GMDS: variants seen among roughly 807,000 people sequenced by gnomAD.
The protein encoded by GMDS is GDP-mannose 4,6 dehydratase.
GMDS carries 20 observed loss-of-function variants against 49.9 expected under a neutral mutation model. The observed-to-expected ratio is 0.40, with a 90% confidence interval of 0.28 to 0.58. The LOEUF is 0.58. Among genes scored for constraint, GMDS ranks in the 20% least tolerant of loss-of-function variants. The pLI is 0.42. For synonymous variants in GMDS, 177 were observed against 178.6 expected (o/e 0.99, Z 0.07); for missense variants, 362 against 481.4 (o/e 0.75, Z 2.32).
At chr6:2,141,938 C>T (rs1024166316) in intron 1 of GMDS, among the ~76,000 whole-genome samples, 1 of 151,994 alleles carries the variant, frequency 6.6e-6, no homozygotes, top group South Asian at 2.1e-4. Context: ...CTACACTCCC[C>T]CTTCTCTCCG....
At chr6:2,139,216 A>G (rs11970276) in intron 1 of GMDS, among the ~76,000 whole-genome samples, 22,903 of 152,108 alleles carry the variant, frequency 0.15, 2,066 homozygotes, top group Middle Eastern at 0.22. Context: ...AAAATTTAAA[A>G]CAAACATTTC....
At chr6:1,999,458 A>G (rs1315398576) in intron 4 of GMDS, among the ~76,000 whole-genome samples, 1 of 152,028 alleles carries the variant, frequency 6.6e-6, no homozygotes, top group Non-Finnish European at 1.5e-5. Context: ...CAGGTAGAAG[A>G]TGGCAGACTA....
intron 7 of GMDS, among the ~76,000 whole-genome samples, chr6:1,919,022 G>T (rs139270852): frequency 6.6e-6 from 1 of 152,180 alleles, no homozygotes; most frequent in Non-Finnish European, 1.5e-5. Context: ...AATAGTAAGA[G>T]AAATGGAACA....
chr6:1,921,793 G>A (rs914374486), intron 7 of GMDS, among the ~76,000 whole-genome samples: 1 of 152,122 alleles, frequency 6.6e-6, no homozygotes, highest in Admixed American at 6.5e-5. Context: ...TACAGATAAA[G>A]GAGAGACTAT....
chr6:2,136,592 C>G (rs1776013809), intron 1 of GMDS, among the ~76,000 whole-genome samples: 1 of 152,004 alleles, frequency 6.6e-6, no homozygotes, highest in Non-Finnish European at 1.5e-5. Context: ...TTTTAATTAG[C>G]TGGGTGTGTC....
At chr6:1,662,339 C>T (rs577919754) in intron 9 of GMDS, among the ~76,000 whole-genome samples, 1 of 152,200 alleles carries the variant, frequency 6.6e-6, no homozygotes, top group Non-Finnish European at 1.5e-5. Flanking sequence ...GGACTCTGGA[C>T]GTTGGAAACA....
chr6:1,975,529 A>T (rs1471552758), intron 4 of GMDS, among the ~76,000 whole-genome samples: 1 of 152,244 alleles, frequency 6.6e-6, no homozygotes, highest in Admixed American at 6.5e-5. Context: ...TATACAAAGT[A>T]GATCCTGTCA....
intron 1 of GMDS, among the ~76,000 whole-genome samples, chr6:2,148,593 T>C (rs1776690882): frequency 6.6e-6 from 1 of 152,056 alleles, no homozygotes; most frequent in Admixed American, 6.6e-5. Context: ...GCTAATTTTG[T>C]ATTATTAGTA....
chr6:2,240,413 A>C (rs541043513), intron 1 of GMDS, among the ~76,000 whole-genome samples: 1 of 152,352 alleles, frequency 6.6e-6, no homozygotes, highest in Non-Finnish European at 1.5e-5. Context: ...CCAACCTGGC[A>C]GAAAAGATAA....
At chr6:2,167,628 C>T (rs1777733419) in intron 1 of GMDS, among the ~76,000 whole-genome samples, 4 of 152,126 alleles carry the variant, frequency 2.6e-5, no homozygotes. Context: ...TGCATCTTCC[C>T]CCACCCTCAC....
At chr6:2,078,506 C>T (rs1259532398) in intron 4 of GMDS, among the ~76,000 whole-genome samples, 1 of 151,982 alleles carries the variant, frequency 6.6e-6, no homozygotes, top group Non-Finnish European at 1.5e-5. Context: ...TAACTTCCTT[C>T]TTAATTTCTT....
rs902944060 is a variant in GMDS, at chr6:1,644,975, G to A, written c.988-20435C>T. On this transcript the variant is annotated intron_variant, in intron 9 of 10. Coordinates refer to ENST00000380815, the MANE Select transcript of GMDS (RefSeq NM_001500.4). ...AAACGAGACGGAGTCTTGCTTTGTC[G>A]CCCAGCCTGGAGTGCAGTGGCGTGA... Among the ~76,000 whole-genome samples the A allele has an allele frequency of 4.1e-5, 6 of 145,862 alleles. No homozygotes were observed. In the East Asian group the frequency reaches 8.0e-4, roughly 19 times the overall value.
At chr6:2,019,733 A>G (rs1768149704) in intron 4 of GMDS, among the ~76,000 whole-genome samples, 1 of 152,154 alleles carries the variant, frequency 6.6e-6, no homozygotes, top group Non-Finnish European at 1.5e-5. Context: ...TACAGGCATG[A>G]GCCACCTCTT....
At chr6:1,748,006 T>C (rs1399045912) in intron 7 of GMDS, among the ~76,000 whole-genome samples, 1 of 152,204 alleles carries the variant, frequency 6.6e-6, no homozygotes, top group Non-Finnish European at 1.5e-5. Flanking sequence ...CAGAAAGCCA[T>C]ATAGCTCTTG....
intron 9 of GMDS, among the ~76,000 whole-genome samples, chr6:1,629,094 A>G (rs1334573479): frequency 6.6e-6 from 1 of 152,240 alleles, no homozygotes; most frequent in East Asian, 1.9e-4. Context: ...TCAAGATTCC[A>G]GATAGTTGAG....
chr6:1,630,870 G>A (rs567165961), intron 9 of GMDS, among the ~76,000 whole-genome samples: 44 of 152,196 alleles, frequency 2.9e-4, no homozygotes, highest in Non-Finnish European at 4.6e-4. Flanking sequence ...CCACTCTGAC[G>A]AGCTGAGATG....
At chr6:1,987,893 T>C (rs570299166) in intron 4 of GMDS, among the ~76,000 whole-genome samples, 1 of 152,316 alleles carries the variant, frequency 6.6e-6, no homozygotes, top group African/African-American at 2.4e-5. Context: ...ACTACTATTA[T>C]ATTTATTTTA....
intron 4 of GMDS, among the ~76,000 whole-genome samples, chr6:2,019,300 T>G (rs1768108540): frequency 6.6e-6 from 1 of 151,918 alleles, no homozygotes; most frequent in Admixed American, 6.6e-5. Flanking sequence ...TTGTTTCTTT[T>G]TCTTGCCTAA....
intron 4 of GMDS, among the ~76,000 whole-genome samples, chr6:2,030,861 GA>G (rs2127416369): frequency 6.6e-6 from 1 of 152,230 alleles, no homozygotes; most frequent in South Asian, 2.1e-4. Context: ...ACTAAAATGT[GA>G]AAAAGCCTAG....
Sources: gnomAD v4.1 joint callset for allele counts (sites outside exome capture counted in the v4.1 genomes callset) on GRCh38, gnomAD v4.1.1 for gene constraint, MANE v1.5 for transcripts, NCBI Gene and HGNC (gene_info 2026-07-23, HGNC 2026-07-21) for gene names.